The following SCAPER variants were observed in gnomAD, a reference collection of about 807,000 sequenced individuals.
SCAPER encodes the protein S-phase cyclin A associated protein in the ER, also known as S phase cyclin A-associated protein in the endoplasmic reticulum.
SCAPER carries 98 observed loss-of-function variants against 182.2 expected under a neutral mutation model. The ratio of observed to expected loss-of-function variants is 0.54; its 90% CI spans 0.46 to 0.64. The LOEUF is 0.64. Ranked by LOEUF, SCAPER falls within the 30% of genes least tolerant of loss-of-function variation. The pLI is 0.00. For missense variants in SCAPER, 1,432 were observed against 1,690.0 expected (o/e 0.85, Z 2.68); for synonymous variants, 605 against 564.6 (o/e 1.07, Z -1.01).
intron 1 of SCAPER, among the ~76,000 whole-genome samples, chr15:76,892,186 A>C (rs2074203781): frequency 6.6e-6 from 1 of 152,246 alleles, no homozygotes; most frequent in Non-Finnish European, 1.5e-5. Context: ...AGATGGATTA[A>C]AGCCTTAAAT....
intron 29 of SCAPER, among the ~76,000 whole-genome samples, chr15:76,357,150 T>TCACACACACACA (rs55912416): frequency 0.11 from 14,351 of 128,660 alleles, 962 homozygotes; most frequent in Admixed American, 0.13. Context: ...TTTATTGACA[T>TCACACACACACA]CACACACACA....
intron 22 of SCAPER, among the ~76,000 whole-genome samples, chr15:76,585,621 A>G (rs2145580486): frequency 6.6e-6 from 1 of 152,318 alleles, no homozygotes; most frequent in Non-Finnish European, 1.5e-5. Flanking sequence ...GACCATTTTA[A>G]TTCACAGAAT....
At chr15:76,802,250 A>C (rs2065853897) in intron 6 of SCAPER, among the ~76,000 whole-genome samples, 1 of 152,336 alleles carries the variant, frequency 6.6e-6, no homozygotes, top group African/African-American at 2.4e-5. Context: ...ATCAGGGCTC[A>C]TGAGGATTAG....
chr15:76,575,808 T>A (rs1286423396), intron 22 of SCAPER, among the ~76,000 whole-genome samples: 1 of 152,242 alleles, frequency 6.6e-6, no homozygotes, highest in Non-Finnish European at 1.5e-5. Flanking sequence ...GTTTAATGTG[T>A]GCTTCTCCTA....
intron 1 of SCAPER, among the ~76,000 whole-genome samples, chr15:76,891,652 A>G (rs2074174554): frequency 6.6e-6 from 1 of 152,210 alleles, no homozygotes; most frequent in African/African-American, 2.4e-5. Context: ...CCACTACGCA[A>G]CAAAATAAAA....
intron 22 of SCAPER, among the ~76,000 whole-genome samples, chr15:76,618,343 T>A (rs570580667): frequency 6.6e-6 from 1 of 152,340 alleles, no homozygotes; most frequent in East Asian, 1.9e-4. Context: ...AAAATTTTAT[T>A]AAATATCCAT....
intron 20 of SCAPER, among the ~76,000 whole-genome samples, chr15:76,695,771 AAATT>A (rs1337258123): frequency 3.9e-5 from 6 of 152,120 alleles, no homozygotes; most frequent in African/African-American, 1.2e-4. Flanking sequence ...TAGAATATAT[AAATT>A]AATAATAAGC....
At chr15:76,408,263 T>G (rs1234518472) in intron 26 of SCAPER, among the ~76,000 whole-genome samples, 2 of 152,196 alleles carry the variant, frequency 1.3e-5, no homozygotes, top group Non-Finnish European at 2.9e-5. Context: ...TCCCACAAGT[T>G]GAATTTTGCT....
intron 22 of SCAPER, among the ~76,000 whole-genome samples, chr15:76,611,068 T>C (rs1401613703): frequency 2.6e-5 from 4 of 152,128 alleles, no homozygotes; most frequent in South Asian, 2.1e-4. Context: ...AATAGACCTA[T>C]AGACCAATAG....
At chr15:76,670,966 G>A (rs1169793149) in intron 20 of SCAPER, among the ~76,000 whole-genome samples, 2 of 152,158 alleles carry the variant, frequency 1.3e-5, no homozygotes, top group East Asian at 3.8e-4. Context: ...TGGAAAGCAT[G>A]TAAAAAGAAG....
chr15:76,448,623 G>A (rs1419936371), intron 25 of SCAPER, among the ~76,000 whole-genome samples: 3 of 152,166 alleles, frequency 2.0e-5, no homozygotes, highest in Non-Finnish European at 4.4e-5. Context: ...AGTTTGGTAG[G>A]AGAAGGGGAG....
At chr15:76,392,958 A>T (rs2043808873) in intron 27 of SCAPER, among the ~76,000 whole-genome samples, 1 of 152,092 alleles carries the variant, frequency 6.6e-6, no homozygotes, top group Non-Finnish European at 1.5e-5. Flanking sequence ...GTCAGTGGAG[A>T]CTGTCCTAAA....
At chr15:76,399,867 T>C (rs2044334103) in intron 27 of SCAPER, among the ~76,000 whole-genome samples, 1 of 151,984 alleles carries the variant, frequency 6.6e-6, no homozygotes, top group Non-Finnish European at 1.5e-5. Flanking sequence ...TAGCCAGGCA[T>C]GGTGGCAAGC....
chr15:76,517,903 T>TAA (rs35628491), intron 23 of SCAPER, among the ~76,000 whole-genome samples: 2 of 145,340 alleles, frequency 1.4e-5, no homozygotes, highest in Non-Finnish European at 3.0e-5. Flanking sequence ...CACTAGCAGC[T>TAA]AAAAAAAAAA....
In SCAPER at chr15:76,477,078, C is replaced by G. The variant is rs8043089; in HGVS notation, c.2955-5743G>C. Among the ~76,000 whole-genome samples, 666 of 152,030 alleles carry G rather than the reference C, an allele frequency of 4.4e-3. 7 individuals carry two copies. Among genetic ancestry groups the G allele is most frequent in the African/African-American group, 0.015 (636 of 41,452 alleles). ...AGGTGTTGAAGTTACACTTCCAGAA[C>G]TAATATCCAAAGAACACAACACCAA... On this transcript the variant is annotated intron_variant, in intron 24 of 31. Coordinates refer to ENST00000563290, the MANE Select transcript of SCAPER (RefSeq NM_020843.4).
chr15:76,370,782 A>G (rs1417127528), intron 29 of SCAPER, among the ~76,000 whole-genome samples: 2 of 152,174 alleles, frequency 1.3e-5, no homozygotes, highest in South Asian at 4.1e-4. Flanking sequence ...CAGGCTTTCT[A>G]TCTGCTAAAT....
chr15:76,570,182 T>C (rs1015529210), intron 23 of SCAPER, among the ~76,000 whole-genome samples: 1 of 152,164 alleles, frequency 6.6e-6, no homozygotes, highest in Non-Finnish European at 1.5e-5. Context: ...ACCTACATGA[T>C]TTGAAACTGA....
intron 23 of SCAPER, among the ~76,000 whole-genome samples, chr15:76,528,601 G>T (rs893951282): frequency 6.6e-6 from 1 of 152,114 alleles, no homozygotes; most frequent in African/African-American, 2.4e-5. Flanking sequence ...ATTTCTCCAG[G>T]TTCAAACAAT....
intron 2 of SCAPER, among the ~76,000 whole-genome samples, chr15:76,864,354 C>T (rs1300903379): frequency 6.6e-6 from 1 of 152,186 alleles, no homozygotes; most frequent in Admixed American, 6.5e-5. Context: ...AAGTTGCTAA[C>T]CCATACTCCT....
Sources: allele counts gnomAD v4.1 joint callset (sites outside exome capture counted in the v4.1 genomes callset), GRCh38; gene constraint gnomAD v4.1.1; transcripts MANE v1.5; gene names NCBI Gene and HGNC (gene_info 2026-07-23, HGNC 2026-07-21).